PTPN13: variants seen among roughly 807,000 people sequenced by gnomAD.
PTPN13 encodes the protein tyrosine-protein phosphatase non-receptor type 13.
In PTPN13, 191 loss-of-function variants were observed where a neutral mutation model predicts 284.0. The ratio of observed to expected loss-of-function variants is 0.67; its 90% CI spans 0.60 to 0.76. PTPN13 has a LOEUF of 0.76. Among genes scored for constraint, PTPN13 ranks in the 30% least tolerant of loss-of-function variants. The pLI is 0.00. For missense variants in PTPN13, 2,797 were observed against 2,939.9 expected (o/e 0.95, Z 1.12); for synonymous variants, 986 against 1,022.3 (o/e 0.96, Z 0.68).
chr4:86,659,298 TAA>T (rs1338068049), intron 2 of PTPN13, among the ~76,000 whole-genome samples: 2 of 152,158 alleles, frequency 1.3e-5, no homozygotes, highest in Non-Finnish European at 2.9e-5. Flanking sequence ...TTATTTGTAC[TAA>T]GTCATCAAAA....
intron 6 of PTPN13, among the ~76,000 whole-genome samples, chr4:86,697,464 T>C (rs970580074): frequency 8.5e-5 from 13 of 152,156 alleles, no homozygotes; most frequent in African/African-American, 3.1e-4. Flanking sequence ...TCTCTTCTTA[T>C]ATCTTACCTC....
chr4:86,758,697 G>A lies in PTPN13; in HGVS notation c.3333G>A (p.Gly1111=). The change falls in exon 22 of 48, where the codon GGG becomes GGA. Residue 1111 remains glycine (G), a synonymous_variant. Transcript: ENST00000411767. Reference sequence around the variant, plus strand: ...TTACAGGATTTCAAATTATTGGTGGGGAGAAGATGGGAAGACTGGACCTAG... The same window carrying A: ...TTACAGGATTTCAAATTATTGGTGGAGAGAAGATGGGAAGACTGGACCTAG... ...KYGLGFQIIG[G]EKMGRLDLGI... The A allele has an allele frequency of 6.2e-7, 1 of 1,613,276 alleles. No individual in the cohort carries two copies. Among genetic ancestry groups the A allele is most frequent in the Non-Finnish European group, 8.5e-7 (1 of 1,179,372 alleles).
chr4:86,711,572 A>G (rs559714238), intron 7 of PTPN13, among the ~76,000 whole-genome samples: 2 of 152,128 alleles, frequency 1.3e-5, no homozygotes, highest in Admixed American at 6.6e-5. Flanking sequence ...CTGAAACTTC[A>G]TTTTCTGTAA....
At chr4:86,657,112 G>T (rs954582788) in intron 2 of PTPN13, among the ~76,000 whole-genome samples, 5 of 152,160 alleles carry the variant, frequency 3.3e-5, no homozygotes, top group Non-Finnish European at 7.3e-5. Flanking sequence ...AATTTTCCAG[G>T]TGCCATCTGT....
intron 3 of PTPN13, among the ~76,000 whole-genome samples, chr4:86,674,577 A>C (rs1475382062): frequency 6.6e-6 from 1 of 152,210 alleles, no homozygotes; most frequent in Non-Finnish European, 1.5e-5. Context: ...ATTCAGATTT[A>C]AGATTATCTA....
At chr4:86,777,689 T>C (rs1188297666) in intron 35 of PTPN13, among the ~76,000 whole-genome samples, 2 of 152,234 alleles carry the variant, frequency 1.3e-5, no homozygotes, top group Non-Finnish European at 2.9e-5. Flanking sequence ...GAATTATTTC[T>C]TTTAAAGTAT....
In PTPN13 at chr4:86,646,447, G is replaced by A. The variant is rs191595198; in HGVS notation, c.115+11076G>A. Among the ~76,000 whole-genome samples, 6 of 152,036 alleles carry A rather than the reference G, an allele frequency of 3.9e-5. No homozygotes were observed. The East Asian group carries it at 1.2e-3, about 30-fold the overall frequency. On this transcript the variant is annotated intron_variant, in intron 2 of 47. Transcript: ENST00000411767. ...CAAGTAGCTGGAATCACAGGAGTGT[G>A]CCACCATACCGGGCTATTTTCTCGT...
At position 86,717,088 on chromosome 4, in the gene PTPN13, C is replaced by T; in HGVS notation, c.1356C>T (p.Thr452=). ...GTGGTCTCCCAGGGGTAGATGAAAC[C>T]TTAAGTCAAGGCCAGTCACAGAGAC... is the stretch of plus-strand genomic sequence containing the variant. ...SSSGLPGVDE[T]LSQGQSQRPS... is the part of the protein sequence containing the mutation. Residue 452 remains threonine (T), a synonymous_variant, in exon 9 of 48, where the codon ACC becomes ACT. Transcript: ENST00000411767. 3 of 1,612,600 alleles carry T rather than the reference C, an allele frequency of 1.9e-6. No homozygotes were observed. Among genetic ancestry groups the T allele is most frequent in the African/African-American group, 1.3e-5 (1 of 74,968 alleles).
chr4:86,627,178 G>C (rs1396904599), intron 1 of PTPN13, among the ~76,000 whole-genome samples: 1 of 151,962 alleles, frequency 6.6e-6, no homozygotes, highest in Non-Finnish European at 1.5e-5. Context: ...GAAACAGAAA[G>C]TACAAAGTTG....
intron 10 of PTPN13, among the ~76,000 whole-genome samples, chr4:86,724,665 G>T (rs569387712): frequency 2.2e-4 from 33 of 152,254 alleles, no homozygotes; most frequent in Admixed American, 3.9e-4. Flanking sequence ...ATGGGGTTTG[G>T]AGGTACAGTT....
intron 35 of PTPN13, 58 bp downstream of exon 35, chr4:86,775,710 G>A: frequency 8.0e-7 from 1 of 1,252,570 alleles, no homozygotes; most frequent in South Asian, 1.3e-5. Context: ...TCAGGTCATT[G>A]ATTATACTTC....
At chr4:86,755,478 C>T (rs942720337) in intron 20 of PTPN13, among the ~76,000 whole-genome samples, 1 of 151,952 alleles carries the variant, frequency 6.6e-6, no homozygotes, top group Non-Finnish European at 1.5e-5. Flanking sequence ...AATTATTATA[C>T]AGCAATTGAA....
chr4:86,806,097 C>A (rs1411442924), intron 44 of PTPN13, among the ~76,000 whole-genome samples: 1 of 150,954 alleles, frequency 6.6e-6, no homozygotes. Context: ...GCAGAGGTTG[C>A]AGCGAGCCAA....
Position 86,767,840 on chromosome 4 carries a change from G to C in PTPN13, c.4353G>C (p.Lys1451Asn). 1 of 1,589,840 alleles carries C rather than the reference G, an allele frequency of 6.3e-7. No individual in the cohort carries two copies. Among genetic ancestry groups the C allele is most frequent in the Non-Finnish European group, 8.6e-7 (1 of 1,167,122 alleles). The change falls in exon 28 of 48, where the codon AAG (lysine) becomes AAC (asparagine). Residue 1451 changes from lysine to asparagine, a missense_variant. Coordinates refer to ENST00000411767, the MANE Select transcript of PTPN13 (RefSeq NM_080683.3). ...AGGTGGTTCATCTGTTATTAGAAAA[G>C]GGACAATCTCCAACATCTAAAGAAC... is the stretch of plus-strand genomic sequence containing the variant. ...TGQVVHLLLE[K>N]GQSPTSKEHV...
chr4:86,800,861 A>G (rs1215657349), intron 42 of PTPN13, among the ~76,000 whole-genome samples: 1 of 152,148 alleles, frequency 6.6e-6, no homozygotes, highest in Non-Finnish European at 1.5e-5. Context: ...TTCCTGTTGC[A>G]CTGACATGCA....
rs183759782 is a variant in PTPN13 at position 86,729,200 on chromosome 4, C to T, written c.1609-3200C>T. On this transcript the variant is annotated intron_variant, in intron 10 of 47. Coordinates refer to ENST00000411767, the MANE Select transcript of PTPN13 (RefSeq NM_080683.3). ...CTCTTCTGGCTTGTAGGGTTTCTGC[C>T]GAGAGATCGCTGTTAGTCTGATGGG... Among the ~76,000 whole-genome samples the T allele has an allele frequency of 5.7e-3, 855 of 149,520 alleles. 67 individuals are homozygous for T. Among genetic ancestry groups the T allele is most frequent in the South Asian group, 0.026 (124 of 4,714 alleles).
Position 86,753,042 on chromosome 4 carries a change from C to T in PTPN13, c.3200C>T (p.Ser1067Phe). The change falls in exon 20 of 48, where the codon TCC becomes TTC. Residue 1067 changes from serine (S) to phenylalanine (F), a missense_variant. Physicochemically the swap from Ser to Phe is radical, Grantham distance 155. Coordinates refer to ENST00000411767, the MANE Select transcript of PTPN13 (RefSeq NM_080683.3). ...MTMHSSGNSS[S>F]QVPLKENDVL... ...ATGCATAGTTCTGGAAACTCTTCAT[C>T]CCAAGTACCCTTAAAAGAAAATGGT... The T allele has an allele frequency of 6.2e-7, 1 of 1,607,756 alleles. No homozygotes were observed. Among genetic ancestry groups the T allele is most frequent in the Non-Finnish European group, 8.5e-7 (1 of 1,175,548 alleles).
rs545224499 is a variant in PTPN13, at chr4:86,631,507, A to T, written c.-5-3745A>T. Among the ~76,000 whole-genome samples, 21 of 152,232 alleles carry T rather than the reference A, an allele frequency of 1.4e-4. No homozygotes were observed. In the East Asian group the frequency reaches 3.5e-3, roughly 25 times the overall value. On this transcript the variant is annotated intron_variant, in intron 1 of 47. Transcript: ENST00000411767. ...TGGGTAATTAGAATGAGGCAGTTTTAAAAAAATCTTTAAGTTCTTGCCTAG... is the reference window on the plus strand; with the variant it reads ...TGGGTAATTAGAATGAGGCAGTTTTTAAAAAATCTTTAAGTTCTTGCCTAG...
intron 1 of PTPN13, among the ~76,000 whole-genome samples, chr4:86,622,443 C>A (rs1248947714): frequency 6.6e-6 from 1 of 152,026 alleles, no homozygotes; most frequent in Non-Finnish European, 1.5e-5. Context: ...TAAAACTTTA[C>A]CTATTTGCTG....
Sources: allele counts gnomAD v4.1 joint callset (sites outside exome capture counted in the v4.1 genomes callset), GRCh38; gene constraint gnomAD v4.1.1; transcripts MANE v1.5; gene names NCBI Gene and HGNC (gene_info 2026-07-23, HGNC 2026-07-21).